The following LCTL variants were observed in gnomAD, a reference collection of about 807,000 sequenced individuals.
LCTL encodes lactase like.
A neutral mutation model predicts 75.8 loss-of-function variants in LCTL; 76 were observed. The ratio of observed to expected loss-of-function variants is 1.00; its 90% CI spans 0.83 to 1.21. LCTL has a LOEUF of 1.21. Among genes scored for constraint, LCTL ranks in the 50% most tolerant of loss-of-function variants. The pLI is 0.00. For missense variants in LCTL, 670 were observed against 712.4 expected, an observed-to-expected ratio of 0.94 and a Z score of 0.68; for synonymous variants, 271 against 268.8, an observed-to-expected ratio of 1.01 and a Z score of -0.08.
rs1398917406 is a variant in LCTL, at chr15:66,565,341, G to T, written c.25C>A (p.Leu9Ile). 5.0e-6 allele frequency: 8 copies of T among 1,612,992 alleles called. No individual in the cohort carries two copies. The highest frequency in any genetic ancestry group is 3.3e-5 in the Admixed American group (2 of 59,718). The stretch of plus-strand genomic sequence containing the variant: ...GGCACCAGCAGTAGCATCCACAGAA[G>T]GGTGGCGACCCACACTGGCTTCATG... Residue 9 changes from leucine to isoleucine, a missense_variant, in exon 1 of 13, where the codon CTT (leucine) becomes ATT (isoleucine). Coordinates refer to ENST00000341509, the Ensembl canonical transcript of LCTL.
At chr15:66,552,667 C>CA (rs752480803) in intron 9 of LCTL, among the ~76,000 whole-genome samples, 2,383 of 52,246 alleles carry the variant, frequency 0.046, 148 homozygotes, top group African/African-American at 0.096. Context: ...GAGACTGTCT[C>CA]AAAAAAAAAA....
chr15:66,557,288 C>T (rs529753867), intron 8 of LCTL, among the ~76,000 whole-genome samples: 3 of 152,288 alleles, frequency 2.0e-5, no homozygotes, highest in African/African-American at 7.2e-5. Flanking sequence ...CCCTGTAAGC[C>T]TTACTTGTGT....
intron 8 of LCTL, among the ~76,000 whole-genome samples, chr15:66,554,288 CA>C (rs547806774): frequency 8.1e-3 from 350 of 43,402 alleles, no homozygotes; most frequent in Middle Eastern, 0.026. Context: ...AAGACTGTCT[CA>C]AAAAAAAAAA....
At chr15:66,551,702 T>C in exon 11 of LCTL, 1 of 1,614,130 alleles carries the variant, frequency 6.2e-7, no homozygotes, top group Admixed American at 1.7e-5. Flanking sequence ...GATAATCTTC[T>C]TGTAATATTG....
intron 8 of LCTL, among the ~76,000 whole-genome samples, chr15:66,556,502 A>G (rs1002325025): frequency 6.6e-6 from 1 of 152,114 alleles, no homozygotes; most frequent in Non-Finnish European, 1.5e-5. Context: ...ACGGGGTTTC[A>G]CTATGTTGGT....
chr15:66,551,099 A>T (rs1595930933), intron 11 of LCTL, among the ~76,000 whole-genome samples: 1 of 152,166 alleles, frequency 6.6e-6, no homozygotes, highest in South Asian at 2.1e-4. Flanking sequence ...CTGTAATCCC[A>T]GCACTTTAGG....
At chr15:66,554,027 C>G (rs1305772116) in intron 8 of LCTL, among the ~76,000 whole-genome samples, 1 of 151,768 alleles carries the variant, frequency 6.6e-6, no homozygotes, top group Non-Finnish European at 1.5e-5. Context: ...AGCGGTGGCT[C>G]AAACCTGTAA....
Position 66,563,945 on chromosome 15 carries a change from CAG to C in LCTL, c.334_335del (p.Leu112ValfsTer25). 1.2e-6 allele frequency: 2 copies of C among 1,614,178 alleles called. No homozygotes were observed. The highest frequency in any genetic ancestry group is 2.2e-5 in the East Asian group (1 of 44,870). On this transcript the variant is annotated frameshift_variant, in exon 3 of 13. Coordinates refer to ENST00000341509, the Ensembl canonical transcript of LCTL. LOFTEE classifies it high-confidence loss of function. ...CTGTGGGCAGGAGCCGGGGCCAAGACAGGGAGAATCGGTAGTGGTTGACGTGC... is the reference window on the plus strand; with the variant it reads ...CTGTGGGCAGGAGCCGGGGCCAAGACGGAGAATCGGTAGTGGTTGACGTGC...
At chr15:66,551,800 T>C (rs757205862) in exon 11 of LCTL, 4 of 1,613,832 alleles carry the variant, frequency 2.5e-6, no homozygotes, top group Admixed American at 1.7e-5. Flanking sequence ...CTTTCTCCCA[T>C]TCAAACTTAT....
chr15:66,563,518 G>C, exon 4 of LCTL: 5 of 1,609,226 alleles, frequency 3.1e-6, no homozygotes, highest in Middle Eastern at 4.3e-4. Context: ...GTCCTCACCT[G>C]TGGCAGATCC....
upstream of LCTL, among the ~76,000 whole-genome samples, chr15:66,565,670 C>T (rs1567063653): frequency 1.3e-5 from 2 of 152,188 alleles, no homozygotes; most frequent in African/African-American, 2.4e-5. Flanking sequence ...GGGGAAACCA[C>T]GTCTACCTCA....
intron 11 of LCTL, 168 bp from the exon 13 acceptor site, chr15:66,550,272 T>G: frequency 5.3e-6 from 3 of 571,160 alleles, no homozygotes; most frequent in East Asian, 6.0e-5. Context: ...TTACTGTACA[T>G]CCATGTACAT....
intron 2 of LCTL, 109 bp from the exon 4 acceptor site, chr15:66,564,107 G>T (rs1895962239): frequency 1.4e-6 from 1 of 739,564 alleles, no homozygotes; most frequent in Admixed American, 2.0e-5. Flanking sequence ...CTGTTAGTGG[G>T]CAAGGAAGAA....
chr15:66,549,824 G>C (rs1895531066), intron 12 of LCTL: 3 of 392,704 alleles, frequency 7.6e-6, no homozygotes, highest in African/African-American at 6.3e-5. Context: ...AACTTGAATG[G>C]ATAAAATGGA....
intron 10 of LCTL, 24 bp from the exon 12 acceptor site, chr15:66,551,885 TTAAA>T: frequency 6.4e-7 from 1 of 1,565,464 alleles, no homozygotes; most frequent in East Asian, 2.2e-5. Context: ...TTATTCCATT[TTAAA>T]TATATTTCAT....
chr15:66,563,709 T>C, intron 3 of LCTL, 84 bp from the exon 5 acceptor site: 1 of 1,015,712 alleles, frequency 9.8e-7, no homozygotes, highest in Non-Finnish European at 1.5e-6. Context: ...TCCTGGGCCC[T>C]GTTGCTTTTT....
intron 8 of LCTL, among the ~76,000 whole-genome samples, chr15:66,556,948 A>G (rs201093791): frequency 1.0e-5 from 1 of 98,736 alleles, no homozygotes; most frequent in Admixed American, 1.1e-4. Context: ...AAAATTGGGG[A>G]AAAAAATGGC....
intron 8 of LCTL, among the ~76,000 whole-genome samples, chr15:66,555,834 A>G (rs901750839): frequency 6.6e-6 from 1 of 152,222 alleles, no homozygotes; most frequent in African/African-American, 2.4e-5. Flanking sequence ...AAAACAACCC[A>G]ATTCAAAAAT....
chr15:66,564,536 G>T (rs1895972692), intron 2 of LCTL, 140 bp downstream of exon 3: 5 of 992,856 alleles, frequency 5.0e-6, no homozygotes, highest in Admixed American at 2.6e-5. Context: ...CTGCACTGGG[G>T]TAGAGGGTGT....
Sources: gnomAD v4.1 joint callset for allele counts (sites outside exome capture counted in the v4.1 genomes callset) on GRCh38, gnomAD v4.1.1 for gene constraint, MANE v1.5 for transcripts, NCBI Gene and HGNC (gene_info 2026-07-23, HGNC 2026-07-21) for gene names.